Variants in UBE2E2 observed in about 807,000 individuals in gnomAD.
The protein encoded by UBE2E2 is ubiquitin-conjugating enzyme E2 E2.
Under a neutral mutation model 24.7 loss-of-function variants are expected in UBE2E2, and 6 were observed. That is an observed-to-expected ratio of 0.24 (90% confidence interval 0.13 to 0.48). The LOEUF (loss-of-function observed/expected upper bound fraction) is 0.48, where lower values mean the gene tolerates loss of function less well. Among genes scored for constraint, UBE2E2 ranks in the 20% least tolerant of loss-of-function variants. The probability of loss-of-function intolerance (pLI) is 0.99; values close to 1 mark genes in which losing one functional copy is unlikely to be tolerated. For missense variants in UBE2E2, 169 were observed against 245.0 expected (o/e 0.69, Z 2.07); for synonymous variants, 104 against 83.6 (o/e 1.24, Z -1.33).
chr3:23,205,552 A>G (rs2125313748), intron 1 of UBE2E2, among the ~76,000 whole-genome samples: 1 of 152,340 alleles, frequency 6.6e-6, no homozygotes, highest in South Asian at 2.1e-4. Context: ...CATTCAAAAA[A>G]CAAACCCAGG....
At chr3:23,512,192 T>A (rs1230867894) in intron 4 of UBE2E2, among the ~76,000 whole-genome samples, 1 of 126,732 alleles carries the variant, frequency 7.9e-6, no homozygotes. Flanking sequence ...CCTGCCTGCC[T>A]GCCTTTTTTT....
intron 3 of UBE2E2, among the ~76,000 whole-genome samples, chr3:23,376,639 C>A (rs1696528632): frequency 6.6e-6 from 1 of 151,698 alleles, no homozygotes; most frequent in South Asian, 2.1e-4. Flanking sequence ...AGATCTGTTA[C>A]CACAGGTAAG....
intron 3 of UBE2E2, among the ~76,000 whole-genome samples, chr3:23,397,834 T>C (rs1184321240): frequency 6.6e-6 from 1 of 152,236 alleles, no homozygotes; most frequent in African/African-American, 2.4e-5. Flanking sequence ...CCTGTTTCTT[T>C]TTTCATTCTC....
chr3:23,561,960 G>T (rs1695942234), intron 5 of UBE2E2, among the ~76,000 whole-genome samples: 1 of 152,164 alleles, frequency 6.6e-6, no homozygotes, highest in Non-Finnish European at 1.5e-5. Flanking sequence ...AGCTTAAGAA[G>T]ATTTTGGGCT....
chr3:23,328,170 T>G (rs940163200), intron 3 of UBE2E2, among the ~76,000 whole-genome samples: 1 of 152,134 alleles, frequency 6.6e-6, no homozygotes, highest in Admixed American at 6.6e-5. Flanking sequence ...AAAAGAAATA[T>G]GAGGCATGCA....
chr3:23,473,584 T>C (rs910235905), intron 3 of UBE2E2, among the ~76,000 whole-genome samples: 6 of 151,988 alleles, frequency 3.9e-5, no homozygotes, highest in Non-Finnish European at 4.4e-5. Context: ...CTCACCCCCT[T>C]CCCACCCTTT....
At chr3:23,582,140 G>A (rs1243019965) in intron 5 of UBE2E2, among the ~76,000 whole-genome samples, 2 of 152,146 alleles carry the variant, frequency 1.3e-5, no homozygotes, top group African/African-American at 4.8e-5. Context: ...CCACTTATAA[G>A]TGAGAACATG....
chr3:23,371,211 G>A (rs1384753680), intron 3 of UBE2E2, among the ~76,000 whole-genome samples: 1 of 151,972 alleles, frequency 6.6e-6, no homozygotes, highest in Non-Finnish European at 1.5e-5. Flanking sequence ...TAAATTTTTT[G>A]TAGAGATGGT....
intron 3 of UBE2E2, among the ~76,000 whole-genome samples, chr3:23,343,169 T>C (rs1215961294): frequency 6.6e-6 from 1 of 151,876 alleles, no homozygotes; most frequent in African/African-American, 2.4e-5. Context: ...TTAAGGTACA[T>C]GAAGGAGTTA....
chr3:23,520,853 G>A (rs1416751570), intron 4 of UBE2E2, among the ~76,000 whole-genome samples: 2 of 152,090 alleles, frequency 1.3e-5, no homozygotes, highest in African/African-American at 4.8e-5. Context: ...GTGTTGCCCA[G>A]GCTGGTCTCA....
chr3:23,487,525 G>A (rs998972269), intron 3 of UBE2E2, among the ~76,000 whole-genome samples: 7 of 152,142 alleles, frequency 4.6e-5, no homozygotes, highest in Admixed American at 2.0e-4. Context: ...ATCCGGTTGC[G>A]CTACTACCGC....
At chr3:23,339,384 A>G (rs970170586) in intron 3 of UBE2E2, among the ~76,000 whole-genome samples, 4 of 152,132 alleles carry the variant, frequency 2.6e-5, no homozygotes, top group African/African-American at 9.7e-5. Context: ...CAAAATTTGA[A>G]TAAGGTTTAT....
intron 3 of UBE2E2, among the ~76,000 whole-genome samples, chr3:23,351,406 T>G (rs1189092791): frequency 6.6e-6 from 1 of 152,238 alleles, no homozygotes; most frequent in Non-Finnish European, 1.5e-5. Context: ...TAAATGTAAA[T>G]GGACTGAATG....
At chr3:23,349,688 C>G (rs1695672929) in intron 3 of UBE2E2, among the ~76,000 whole-genome samples, 2 of 152,336 alleles carry the variant, frequency 1.3e-5, no homozygotes, top group Middle Eastern at 6.8e-3. Context: ...GGGAGGGGCG[C>G]CCGCCATTGC....
chr3:23,555,906 G>T (rs1385619235), intron 5 of UBE2E2, among the ~76,000 whole-genome samples: 1 of 152,054 alleles, frequency 6.6e-6, no homozygotes, highest in African/African-American at 2.4e-5. Context: ...GTAGGTCAAA[G>T]GATATAAAGT....
chr3:23,566,475 A>G (rs1039340227), intron 5 of UBE2E2, among the ~76,000 whole-genome samples: 1 of 152,180 alleles, frequency 6.6e-6, no homozygotes, highest in African/African-American at 2.4e-5. Flanking sequence ...GCATTGCTAT[A>G]AAGGAATAAC....
chr3:23,452,602 G>GTT (rs1450459788), intron 3 of UBE2E2, among the ~76,000 whole-genome samples: 2 of 152,178 alleles, frequency 1.3e-5, no homozygotes, highest in African/African-American at 4.8e-5. Context: ...CTTGATCCTA[G>GTT]TTATAATCTT....
At chr3:23,405,457 A>G (rs1030914031) in intron 3 of UBE2E2, among the ~76,000 whole-genome samples, 6 of 152,152 alleles carry the variant, frequency 3.9e-5, no homozygotes, top group African/African-American at 1.4e-4. Context: ...CACACTGTCT[A>G]TTATTTTTGG....
chr3:23,317,719 G>T (rs533457415), intron 3 of UBE2E2, among the ~76,000 whole-genome samples: 1 of 151,930 alleles, frequency 6.6e-6, no homozygotes, highest in African/African-American at 2.4e-5. Context: ...AGAACAGCAC[G>T]AGAAAGACCT....
Sources: allele counts gnomAD v4.1 joint callset (sites outside exome capture counted in the v4.1 genomes callset), GRCh38; gene constraint gnomAD v4.1.1; transcripts MANE v1.5; gene names NCBI Gene and HGNC (gene_info 2026-07-23, HGNC 2026-07-21).